The following CREBBP variants were observed in gnomAD, a reference collection of about 807,000 sequenced individuals.
CREBBP encodes the protein CREB binding lysine acetyltransferase.
In CREBBP, 19 loss-of-function variants were observed where a neutral mutation model predicts 265.0. That is an observed-to-expected ratio of 0.07 (90% CI 0.05 to 0.11). The LOEUF is 0.11. Among genes scored for constraint, CREBBP ranks in the 10% least tolerant of loss-of-function variants. The pLI is 1.00. For missense variants in CREBBP, 2,525 were observed against 3,219.0 expected (o/e 0.78, Z 5.22); for synonymous variants, 1,457 against 1,223.7 (o/e 1.19, Z -3.98).
intron 2 of CREBBP, among the ~76,000 whole-genome samples, chr16:3,823,173 T>G (rs2054173397): frequency 1.3e-5 from 2 of 152,232 alleles, no homozygotes; most frequent in Non-Finnish European, 2.9e-5. Flanking sequence ...TAATACTTTC[T>G]ATTATGACTC....
At position 3,745,036 on chromosome 16, in the gene CREBBP, G is replaced by A. The variant is rs562218812; in HGVS notation, c.3915-75C>T. 472 of 1,151,286 alleles carry A rather than the reference G, an allele frequency of 4.1e-4. 6 individuals carry two copies. In the South Asian group the frequency reaches 5.5e-3, roughly 14 times the overall value. The allele number at this position is 1,151,286 out of a possible 1,614,324, so 71.3% of individuals were successfully genotyped here. A position where few individuals can be genotyped will look rare whatever the true frequency, so the allele number is the denominator to read the frequency against. ...TCAAACCAACAAAATGCAGCATTCA[G>A]ATAGTTTGTTGGCAGTTTAAATCAC... On this transcript the variant is annotated intron_variant, in intron 22 of 30. Coordinates refer to ENST00000262367, the MANE Select transcript of CREBBP (RefSeq NM_004380.3).
At chr16:3,857,608 T>C (rs772033474) in intron 1 of CREBBP, among the ~76,000 whole-genome samples, 2 of 152,200 alleles carry the variant, frequency 1.3e-5, no homozygotes, top group Non-Finnish European at 1.5e-5. Flanking sequence ...AGGTTCACGA[T>C]TGACAGCGAT....
At chr16:3,828,922 C>T (rs1159087177) in intron 2 of CREBBP, among the ~76,000 whole-genome samples, 3 of 152,128 alleles carry the variant, frequency 2.0e-5, no homozygotes, top group Admixed American at 6.5e-5. Flanking sequence ...GTGCCCAGTA[C>T]AATAGGCATG....
chr16:3,857,819 G>A (rs2054995088), intron 1 of CREBBP, among the ~76,000 whole-genome samples: 1 of 152,216 alleles, frequency 6.6e-6, no homozygotes, highest in African/African-American at 2.4e-5. Flanking sequence ...CTTCCTGGCT[G>A]CCAACCAGGA....
chr16:3,795,278 C>T (rs1166916530), intron 3 of CREBBP, among the ~76,000 whole-genome samples: 2 of 152,136 alleles, frequency 1.3e-5, no homozygotes, highest in Non-Finnish European at 2.9e-5. Flanking sequence ...TATATATACA[C>T]TGCAGGAAAT....
rs773349732 is a variant in CREBBP at position 3,793,549 on chromosome 16, G to C, written c.1053C>G (p.Arg351=). Residue 351 remains arginine (R), a synonymous_variant, in exon 4 of 31, where the codon CGC becomes CGG. Transcript: ENST00000262367. ...GAACCAGCTGCTGCTGTATCAGTTT[G>C]CGTTTTTCAGGATCTGCAGTGGGGC... ...ATGPTADPEK[R]KLIQQQLVLL... is the part of the protein sequence containing the mutation. The C allele has an allele frequency of 1.1e-5, 17 of 1,614,128 alleles. No homozygotes were observed. In the South Asian group the frequency reaches 1.8e-4, roughly 17 times the overall value.
chr16:3,780,492 G>A (rs1368852549), intron 8 of CREBBP, among the ~76,000 whole-genome samples: 1 of 152,146 alleles, frequency 6.6e-6, no homozygotes, highest in African/African-American at 2.4e-5. Flanking sequence ...GGGGCTGCAA[G>A]TCAGTGCCCC....
At position 3,773,789 on chromosome 16, in the gene CREBBP, C is replaced by T; in HGVS notation, c.2425G>A (p.Gly809Ser). 6.2e-7 allele frequency: 1 copy of T among 1,613,738 alleles called. No homozygotes were observed. Among genetic ancestry groups the T allele is most frequent in the Non-Finnish European group, 8.5e-7 (1 of 1,180,040 alleles). The stretch of plus-strand genomic sequence containing the variant: ...GTTTGGGCTGGCGGCTGCCCCATGC[C>T]CACACTCATCGCCCCGCTGGATGAC... ...FPSSSGAMSV[G>S]MGQPPAQTGV... The change falls in exon 13 of 31, where the codon GGC (glycine) becomes AGC (serine). Residue 809 changes from glycine to serine, a missense_variant. By Grantham distance (56) the Gly-to-Ser change is moderately conservative. Transcript: ENST00000262367.
chr16:3,778,854 TTTC>T (rs760146546), intron 8 of CREBBP, 37 bp from the exon 9 acceptor site: 3 of 1,586,880 alleles, frequency 1.9e-6, no homozygotes, highest in African/African-American at 2.7e-5. Context: ...TACTTTTTTT[TTTC>T]TTCTTTTTTT....
intron 2 of CREBBP, among the ~76,000 whole-genome samples, chr16:3,837,113 G>A (rs889825270): frequency 3.9e-5 from 6 of 152,048 alleles, no homozygotes; most frequent in Non-Finnish European, 2.9e-5. Context: ...TCCTTCAGGC[G>A]GTATTCCAGA....
At chr16:3,849,438 T>TGTGTGTGTGTG (rs2054760220) in intron 2 of CREBBP, among the ~76,000 whole-genome samples, 20 of 12,792 alleles carry the variant, frequency 1.6e-3, no homozygotes, top group Non-Finnish European at 4.5e-3. Flanking sequence ...TGTGTGTGTG[T>TGTGTGTGTGTG]GTGTGTGTGT....
At chr16:3,746,812 G>T (rs2151359312) in intron 21 of CREBBP, among the ~76,000 whole-genome samples, 1 of 152,246 alleles carries the variant, frequency 6.6e-6, no homozygotes, top group African/African-American at 2.4e-5. Flanking sequence ...GGGCATGGTG[G>T]TGTGTGCCTG....
At position 3,850,336 on chromosome 16, in the gene CREBBP, G is replaced by A. The variant is rs548980748; in HGVS notation, c.759C>T (p.His253=). Residue 253 remains histidine (H), a synonymous_variant, in exon 2 of 31, where the codon CAC becomes CAT. Transcript: ENST00000262367. The part of the protein sequence containing the change: ...LTQVSPQMTG[H]AGLNTAQAGG... ...CTGCCTGTGCGGTGTTCAGTCCCGC[G>A]TGACCAGTCATTTGCGGGGAAACCT... is the stretch of plus-strand genomic sequence containing the variant. 3.0e-5 allele frequency: 49 copies of A among 1,614,200 alleles called. No individual in the cohort carries two copies. Among genetic ancestry groups the A allele is most frequent in the Non-Finnish European group, 4.0e-5 (47 of 1,180,048 alleles).
chr16:3,813,337 G>A (rs1439374309), intron 2 of CREBBP, among the ~76,000 whole-genome samples: 3 of 152,140 alleles, frequency 2.0e-5, no homozygotes, highest in Non-Finnish European at 4.4e-5. Context: ...ACTCAATTTC[G>A]AGTTCAAATG....
intron 2 of CREBBP, among the ~76,000 whole-genome samples, chr16:3,842,637 T>C (rs1230436843): frequency 6.6e-6 from 1 of 152,138 alleles, no homozygotes; most frequent in Non-Finnish European, 1.5e-5. Flanking sequence ...GTCATGTTTT[T>C]CCTACTGTAA....
intron 1 of CREBBP, among the ~76,000 whole-genome samples, chr16:3,859,048 CCTTT>C (rs1273365235): frequency 6.6e-6 from 1 of 152,064 alleles, no homozygotes; most frequent in Non-Finnish European, 1.5e-5. Flanking sequence ...AAAAAGGTCT[CCTTT>C]CTTTAGATTT....
chr16:3,761,786 C>T (rs2052725353), intron 16 of CREBBP, among the ~76,000 whole-genome samples: 1 of 152,258 alleles, frequency 6.6e-6, no homozygotes, highest in African/African-American at 2.4e-5. Flanking sequence ...GCCTTGCTTC[C>T]TACTAACTCC....
At position 3,770,590 on chromosome 16, in the gene CREBBP, C is replaced by A. The variant is rs373284909; in HGVS notation, c.2860G>T (p.Ala954Ser). ...SSQQQPTPVH[A>S]QPPGTPLSQA... ...CTTACCGGTGTGCCAGGAGGCTGGG[C>A]GTGCACAGGCGTCGGCTGTTGCTGC... The change falls in exon 14 of 31, where the codon GCC (alanine) becomes TCC (serine). Residue 954 changes from alanine (A) to serine (S), a missense_variant. Coordinates refer to ENST00000262367, the MANE Select transcript of CREBBP (RefSeq NM_004380.3). The A allele has an allele frequency of 6.2e-7, 1 of 1,613,426 alleles. No individual in the cohort carries two copies. The highest frequency in any genetic ancestry group is 8.5e-7 in the Non-Finnish European group (1 of 1,179,996).
At chr16:3,735,820 G>C (rs1192659974) in intron 28 of CREBBP, among the ~76,000 whole-genome samples, 2 of 152,184 alleles carry the variant, frequency 1.3e-5, no homozygotes, top group South Asian at 4.1e-4. Flanking sequence ...CCGAGTCTAA[G>C]TGGACCCCCA....
Sources: allele counts gnomAD v4.1 joint callset (sites outside exome capture counted in the v4.1 genomes callset), GRCh38; gene constraint gnomAD v4.1.1; transcripts MANE v1.5; gene names NCBI Gene and HGNC (gene_info 2026-07-23, HGNC 2026-07-21).